INTS2: variants seen among roughly 807,000 people sequenced by gnomAD.
The protein encoded by INTS2 is integrator complex subunit 2.
INTS2 carries 57 observed loss-of-function variants against 139.6 expected under a neutral mutation model. That is an observed-to-expected ratio of 0.41 (90% CI 0.33 to 0.51). The LOEUF (loss-of-function observed/expected upper bound fraction) is 0.51. Among genes scored for constraint, INTS2 ranks in the 20% least tolerant of loss-of-function variants. INTS2 has a pLI of 0.28. For missense variants in INTS2, 1,196 were observed against 1,436.7 expected, an observed-to-expected ratio of 0.83 and a Z score of 2.71; for synonymous variants, 473 against 493.4, an observed-to-expected ratio of 0.96 and a Z score of 0.55.
intron 3 of INTS2, among the ~76,000 whole-genome samples, chr17:61,923,106 T>A (rs930095020): frequency 6.6e-6 from 1 of 151,132 alleles, no homozygotes; most frequent in Admixed American, 6.6e-5. Context: ...AATAAAAGTA[T>A]CAAAATAGTA....
rs953474959 is a variant in INTS2 at position 61,926,717 on chromosome 17, C to A, written c.-18-55G>T. 3 of 1,400,266 alleles carry A rather than the reference C, an allele frequency of 2.1e-6. No homozygotes were observed. The African/African-American group carries it at 4.3e-5, about 20-fold the overall frequency. 86.7% of individuals were successfully genotyped at this position (1,400,266 alleles called of 1,614,324 possible). A position where few individuals can be genotyped will look rare whatever the true frequency, so the allele number is the denominator to read the frequency against. On this transcript the variant is annotated intron_variant, in intron 1 of 24. Transcript: ENST00000251334. ...AGTTTAACTTTCACATGTATGAACACCCAACTTTCTAAAAACCCTGAAAAA... is the reference window on the plus strand; with the variant it reads ...AGTTTAACTTTCACATGTATGAACAACCAACTTTCTAAAAACCCTGAAAAA...
intron 12 of INTS2, among the ~76,000 whole-genome samples, chr17:61,894,813 ATACTAGCC>A (rs1251903291): frequency 6.6e-6 from 1 of 151,636 alleles, no homozygotes; most frequent in Non-Finnish European, 1.5e-5. Flanking sequence ...ATACCACTGT[ATACTAGCC>A]TGGGTGACAA....
chr17:61,910,749 T>C (rs1307888311), intron 7 of INTS2: 2 of 152,168 alleles, frequency 1.3e-5, no homozygotes, highest in East Asian at 1.9e-4. Context: ...TATACACATA[T>C]GTATTAAAAT....
At position 61,893,286 on chromosome 17, in the gene INTS2, T is replaced by C. The variant is rs933557696; in HGVS notation, c.1698+479A>G. Among the ~76,000 whole-genome samples, 3 of 152,132 alleles carry C rather than the reference T, an allele frequency of 2.0e-5. No homozygotes were observed. The highest frequency in any genetic ancestry group is 4.8e-5 in the African/African-American group (2 of 41,418). On this transcript the variant is annotated intron_variant, in intron 13 of 24. Transcript: ENST00000251334. The surrounding 1 kb of genome is among the most constrained non-coding windows in gnomAD (Gnocchi z 5.4). Reference sequence around the variant, plus strand: ...TTACTATCCCTAATTACTATACTTATATAAATGACTAGTAACTTAGCTTAA... The same window carrying C: ...TTACTATCCCTAATTACTATACTTACATAAATGACTAGTAACTTAGCTTAA...
rs752206632 is a variant in INTS2 at position 61,926,600 on chromosome 17, A to G, written c.45T>C (p.Phe15=). 2.2e-5 allele frequency: 35 copies of G among 1,612,280 alleles called. No individual in the cohort carries two copies. Among genetic ancestry groups the G allele is most frequent in the Non-Finnish European group, 3.0e-5 (35 of 1,179,090 alleles). The part of the protein sequence containing the change: ...TSLQFVSPFA[F]EAMQKVDVVC... The stretch of plus-strand genomic sequence containing the variant: ...CAACATCCACCTTCTGCATTGCCTC[A>G]AAAGCAAAAGGGCTGACAAACTGAA... The change falls in exon 2 of 25, where the codon TTT becomes TTC. Residue 15 remains phenylalanine, a synonymous_variant. Coordinates refer to ENST00000251334, the MANE Select transcript of INTS2 (RefSeq NM_001351695.2).
rs1288258048 is a variant in INTS2, at chr17:61,907,526, C to T, written c.1063G>A (p.Ala355Thr). The change falls in exon 8 of 25, where the codon GCT becomes ACT. Residue 355 changes from alanine to threonine, a missense_variant. By Grantham distance (58) the Ala-to-Thr change is moderately conservative. Transcript: ENST00000251334. ...ACATTGGGCTCCATATCCACATCAGCTTCTTCCACAATTCGGGTGCTTCTT... is the reference window on the plus strand; with the variant it reads ...ACATTGGGCTCCATATCCACATCAGTTTCTTCCACAATTCGGGTGCTTCTT... ...TVRSTRIVEE[A>T]DVDMEPNVSV... is the part of the protein sequence containing the mutation. The T allele has an allele frequency of 6.3e-7, 1 of 1,598,264 alleles. No homozygotes were observed. Among genetic ancestry groups the T allele is most frequent in the Non-Finnish European group, 8.5e-7 (1 of 1,172,394 alleles).
At chr17:61,918,467 C>T (rs111562356) in intron 5 of INTS2, among the ~76,000 whole-genome samples, 10 of 152,112 alleles carry the variant, frequency 6.6e-5, no homozygotes, top group African/African-American at 1.9e-4. Context: ...GTCTCAAACT[C>T]CTGGCCTGAA....
At position 61,926,393 on chromosome 17, in the gene INTS2, A is replaced by C. The variant is rs142730620; in HGVS notation, c.252T>G (p.Phe84Leu). The stretch of plus-strand genomic sequence containing the variant: ...TGCTGGCATCTTGTTCTAAAGCATG[A>C]AAGTCCACGGACAACAATGCAACAA... ...NSIVALLSVD[F>L]HALEQDASKE... The change falls in exon 2 of 25, where the codon TTT (phenylalanine) becomes TTG (leucine). Residue 84 changes from phenylalanine to leucine, a missense_variant. Around this residue, in one of 3 missense-constraint regions of INTS2, gnomAD observed 1,129 missense variants for 1,341.9 expected, o/e 0.84. Coordinates refer to ENST00000251334, the MANE Select transcript of INTS2 (RefSeq NM_001351695.2). 2 of 1,610,714 alleles carry C rather than the reference A, an allele frequency of 1.2e-6. No individual in the cohort carries two copies. The highest frequency in any genetic ancestry group is 1.3e-5 in the African/African-American group (1 of 75,006).
chr17:61,892,058 C>G (rs2079300756), intron 13 of INTS2, among the ~76,000 whole-genome samples: 1 of 152,056 alleles, frequency 6.6e-6, no homozygotes, highest in Admixed American at 6.6e-5. Context: ...AGGTCCTTCA[C>G]AGCAAACCCT....
rs372309416 is a variant in INTS2 at position 61,880,993 on chromosome 17, A to G, written c.2254+14T>C. ...TACAAAAGGGGTTAAAGGAGTATCA[A>G]TAATTTACTATACCTTCTTGGAGTT... On this transcript the variant is annotated intron_variant, in intron 17 of 24. Transcript: ENST00000251334. 2.4e-5 allele frequency: 38 copies of G among 1,605,114 alleles called. No homozygotes were observed. Among genetic ancestry groups the G allele is most frequent in the Admixed American group, 3.3e-5 (2 of 59,854 alleles).
intron 11 of INTS2, 27 bp from the exon 12 acceptor site, chr17:61,895,410 G>A (rs374453642): frequency 1.4e-6 from 2 of 1,393,104 alleles, no homozygotes; most frequent in Non-Finnish European, 9.8e-7. Flanking sequence ...AATTCCAACA[G>A]CATGTAAAAA....
Position 61,912,907 on chromosome 17 carries a change from C to A in INTS2, c.650-837G>T, listed in dbSNP as rs371116275. 3.6e-3 allele frequency among the ~76,000 whole-genome samples: 548 copies of A among 152,108 alleles called. 5 individuals carry two copies. Among genetic ancestry groups the A allele is most frequent in the African/African-American group, 0.013 (530 of 41,488 alleles). ...CCTGGCCAATATGGTGAAACCCTGT[C>A]TCTACTAAAAATACAAAAATTAGCT... On this transcript the variant is annotated intron_variant, in intron 5 of 24. Coordinates refer to ENST00000251334, the MANE Select transcript of INTS2 (RefSeq NM_001351695.2).
At position 61,872,522 on chromosome 17, in the gene INTS2, A is replaced by G; in HGVS notation, c.2583-62T>C. 2.6e-6 allele frequency: 3 copies of G among 1,133,578 alleles called. No individual in the cohort carries two copies. Among genetic ancestry groups the G allele is most frequent in the Non-Finnish European group, 3.7e-6 (3 of 817,812 alleles). The allele number at this position is 1,133,578 out of a possible 1,614,324, so 70.2% of individuals were successfully genotyped here. ...AAGAATATAAATTTATAAATTAGCC[A>G]GAACATGATCAATTTAGTTTAAATG... On this transcript the variant is annotated intron_variant, in intron 19 of 24. Transcript: ENST00000251334. The surrounding 1 kb of genome is among the most constrained non-coding windows in gnomAD (Gnocchi z 4.8).
chr17:61,892,948 C>A (rs2145929954), intron 13 of INTS2, among the ~76,000 whole-genome samples: 2 of 117,222 alleles, frequency 1.7e-5, no homozygotes, highest in Non-Finnish European at 3.4e-5. Flanking sequence ...AGTGAGACTC[C>A]ATCTCAAAAA....
chr17:61,879,334 T>C (rs139318059), intron 17 of INTS2, among the ~76,000 whole-genome samples: 2 of 152,244 alleles, frequency 1.3e-5, no homozygotes, highest in African/African-American at 4.8e-5. Flanking sequence ...GGTCCCCTTA[T>C]AGGATGTAAG....
chr17:61,893,004 T>C lies in INTS2; in HGVS notation c.1698+761A>G, dbSNP rs76403815. Among the ~76,000 whole-genome samples the C allele has an allele frequency of 0.086, 12,815 of 148,206 alleles. 1,939 individuals carry two copies. The highest frequency in any genetic ancestry group is 0.3 in the African/African-American group (12,013 of 39,568). On this transcript the variant is annotated intron_variant, in intron 13 of 24. Transcript: ENST00000251334. The surrounding 1 kb of genome is among the most constrained non-coding windows in gnomAD (Gnocchi z 5.4). Reference sequence around the variant, plus strand: ...CAGGAGTGGTGGCTCGCACCTGTAGTTCCAGCTACTTAGGAGGCTGTGGCA... The same window carrying C: ...CAGGAGTGGTGGCTCGCACCTGTAGCTCCAGCTACTTAGGAGGCTGTGGCA...
At chr17:61,919,833 A>G (rs2079621057) in intron 4 of INTS2, among the ~76,000 whole-genome samples, 1 of 152,156 alleles carries the variant, frequency 6.6e-6, no homozygotes, top group Non-Finnish European at 1.5e-5. Flanking sequence ...GGCTCAAGCA[A>G]TCCTCCTGCC....
chr17:61,890,010 T>A, intron 14 of INTS2, 116 bp from the exon 15 acceptor site: 1 of 651,998 alleles, frequency 1.5e-6, no homozygotes. Context: ...CTAACTCAGG[T>A]AAAACAGGAG....
intron 15 of INTS2, among the ~76,000 whole-genome samples, chr17:61,885,518 G>T: frequency 1.3e-5 from 2 of 150,890 alleles, no homozygotes; most frequent in East Asian, 3.9e-4. Flanking sequence ...GGGTTCAAGC[G>T]ATTCTCCCGC....
Sources: allele counts gnomAD v4.1 joint callset (sites outside exome capture counted in the v4.1 genomes callset), GRCh38; gene constraint gnomAD v4.1.1; regional missense constraint gnomAD v4.1.1; non-coding constraint Gnocchi (gnomAD v3.1); transcripts MANE v1.5; gene names NCBI Gene and HGNC (gene_info 2026-07-23, HGNC 2026-07-21).